The following KLHL1 variants were observed in gnomAD, a reference collection of about 807,000 sequenced individuals.
KLHL1 encodes the protein kelch like family member 1, also known as kelch-like protein 1.
A neutral mutation model predicts 77.7 loss-of-function variants in KLHL1; 47 were observed. The ratio of observed to expected loss-of-function variants is 0.60; its 90% CI spans 0.48 to 0.77. The LOEUF (loss-of-function observed/expected upper bound fraction) is 0.77. Ranked by LOEUF, KLHL1 falls within the 30% of genes least tolerant of loss-of-function variation. The probability of loss-of-function intolerance (pLI) is 0.00; values close to 1 mark genes in which losing one functional copy is unlikely to be tolerated. For synonymous variants in KLHL1, 360 were observed against 325.2 expected (o/e 1.11, Z -1.15); for missense variants, 925 against 910.8 (o/e 1.02, Z -0.20).
chr13:69,913,945 G>A (rs1477078717), intron 4 of KLHL1, among the ~76,000 whole-genome samples: 1 of 152,072 alleles, frequency 6.6e-6, no homozygotes. Context: ...CCTCAATCTG[G>A]GTGAGCACAA....
chr13:69,925,726 G>A (rs1272690107), intron 4 of KLHL1, among the ~76,000 whole-genome samples: 2 of 151,962 alleles, frequency 1.3e-5, no homozygotes, highest in African/African-American at 2.4e-5. Context: ...AACTGGTTTC[G>A]TCTTTACAAG....
chr13:70,018,524 C>A (rs898754583), intron 1 of KLHL1, among the ~76,000 whole-genome samples: 1 of 152,144 alleles, frequency 6.6e-6, no homozygotes, highest in Non-Finnish European at 1.5e-5. Flanking sequence ...CAGAGAGACA[C>A]GTTTCTAGTG....
intron 4 of KLHL1, among the ~76,000 whole-genome samples, chr13:69,908,690 A>T (rs1414199237): frequency 6.6e-6 from 1 of 151,616 alleles, no homozygotes; most frequent in African/African-American, 2.4e-5. Context: ...GAATTTCCAT[A>T]GCTTATGTAG....
intron 1 of KLHL1, among the ~76,000 whole-genome samples, chr13:70,027,652 G>GTTGTTTTT (rs1555291738): frequency 1.8e-4 from 25 of 135,846 alleles, no homozygotes; most frequent in Non-Finnish European, 3.4e-4. Context: ...AATGTAAGTT[G>GTTGTTTTT]TTTTTTTTTT....
At chr13:70,093,837 G>T (rs2137445312) in intron 1 of KLHL1, among the ~76,000 whole-genome samples, 1 of 152,250 alleles carries the variant, frequency 6.6e-6, no homozygotes, top group Non-Finnish European at 1.5e-5. Flanking sequence ...TTGGCAATTA[G>T]AACTGCAGTT....
intron 5 of KLHL1, 43 bp downstream of exon 5, chr13:69,882,240 T>C (rs779988618): frequency 7.5e-7 from 1 of 1,339,364 alleles, no homozygotes; most frequent in South Asian, 1.2e-5. Flanking sequence ...TATAGGGTTT[T>C]TCAGTACATT....
chr13:70,060,444 T>G (rs144354213), intron 1 of KLHL1, among the ~76,000 whole-genome samples: 2 of 152,204 alleles, frequency 1.3e-5, no homozygotes, highest in East Asian at 3.9e-4. Flanking sequence ...AAATCAATAT[T>G]TTAAAGACAC....
intron 7 of KLHL1, among the ~76,000 whole-genome samples, chr13:69,750,296 G>T (rs1874415393): frequency 1.3e-5 from 2 of 151,624 alleles, no homozygotes; most frequent in African/African-American, 4.8e-5. Context: ...AGTGATTAGG[G>T]TGACTGAATT....
intron 6 of KLHL1, among the ~76,000 whole-genome samples, chr13:69,823,110 G>A (rs60957671): frequency 0.095 from 14,495 of 152,086 alleles, 1,394 homozygotes; most frequent in African/African-American, 0.25. Flanking sequence ...AATTGCCACA[G>A]ATGAATAACA....
intron 1 of KLHL1, among the ~76,000 whole-genome samples, chr13:70,051,961 G>T (rs575509785): frequency 7.1e-4 from 105 of 147,112 alleles, no homozygotes; most frequent in Admixed American, 1.0e-3. Context: ...TTTTTCATTT[G>T]TCAAACTCTA....
At chr13:69,716,155 AATCT>A (rs964904810) in intron 9 of KLHL1, among the ~76,000 whole-genome samples, 18 of 152,240 alleles carry the variant, frequency 1.2e-4, no homozygotes, top group South Asian at 4.1e-4. Flanking sequence ...CGCTCTTACC[AATCT>A]ATCTATCCAT....
intron 1 of KLHL1, among the ~76,000 whole-genome samples, chr13:70,052,124 C>T (rs1886643470): frequency 6.6e-6 from 1 of 151,866 alleles, no homozygotes; most frequent in African/African-American, 2.4e-5. Context: ...AATCAGAATC[C>T]AAACTCCTGG....
intron 8 of KLHL1, among the ~76,000 whole-genome samples, chr13:69,722,120 C>T (rs73522021): frequency 0.013 from 2,036 of 152,020 alleles, 60 homozygotes; most frequent in African/African-American, 0.046. Context: ...GCACAGCTCT[C>T]GTACATAGTT....
chr13:69,845,390 G>A (rs1394040620), intron 5 of KLHL1, among the ~76,000 whole-genome samples: 2 of 151,554 alleles, frequency 1.3e-5, no homozygotes, highest in Admixed American at 6.6e-5. Context: ...AAATCAAATA[G>A]AATGAAAACT....
intron 1 of KLHL1, among the ~76,000 whole-genome samples, chr13:69,993,191 A>G (rs968035424): frequency 2.6e-5 from 4 of 152,184 alleles, no homozygotes; most frequent in African/African-American, 9.6e-5. Flanking sequence ...GAACCAATGA[A>G]TGAGATATAG....
chr13:69,924,085 C>T (rs964372937), intron 4 of KLHL1, among the ~76,000 whole-genome samples: 3 of 152,210 alleles, frequency 2.0e-5, no homozygotes, highest in African/African-American at 7.2e-5. Flanking sequence ...CCTGCTGCCT[C>T]GACCCCCTCT....
chr13:69,740,621 G>C (rs1006194537), intron 7 of KLHL1, 65 bp from the exon 8 acceptor site: 1 of 1,222,202 alleles, frequency 8.2e-7, no homozygotes, highest in Non-Finnish European at 1.1e-6. Flanking sequence ...TTAAAAATCT[G>C]TTAAGTGGGT....
At position 69,701,079 on chromosome 13, in the gene KLHL1, C is replaced by G. The variant is rs1875370116; in HGVS notation, c.*623G>C. 1 of 152,394 alleles carries G rather than the reference C, an allele frequency of 6.6e-6. No homozygotes were observed. Among genetic ancestry groups the G allele is most frequent in the South Asian group, 2.1e-4 (1 of 4,832 alleles). 9.4% of individuals were successfully genotyped at this position (152,394 alleles called of 1,614,324 possible). ...GGTTGCAATAAAATTCAACCATTATCTCTGATGAGATATGCAGCTTTGATT... is the reference window on the plus strand; with the variant it reads ...GGTTGCAATAAAATTCAACCATTATGTCTGATGAGATATGCAGCTTTGATT... On this transcript the variant is annotated 3_prime_UTR_variant, in exon 11 of 11. Coordinates refer to ENST00000377844, the MANE Select transcript of KLHL1 (RefSeq NM_020866.3).
intron 7 of KLHL1, among the ~76,000 whole-genome samples, chr13:69,762,385 A>T (rs999955624): frequency 5.9e-5 from 9 of 152,194 alleles, no homozygotes; most frequent in African/African-American, 2.2e-4. Flanking sequence ...CTCTGATATG[A>T]CTAAGTGCTG....
Sources: gnomAD v4.1 joint callset for allele counts (sites outside exome capture counted in the v4.1 genomes callset) on GRCh38, gnomAD v4.1.1 for gene constraint, MANE v1.5 for transcripts, NCBI Gene and HGNC (gene_info 2026-07-23, HGNC 2026-07-21) for gene names.